TOP6BL: variants seen among roughly 807,000 people sequenced by gnomAD.
TOP6BL encodes the protein type 2 DNA topoisomerase 6 subunit B-like.
the TOP6BL span, among the ~76,000 whole-genome samples, chr11:66,749,073 G>GT: frequency 6.6e-6 from 1 of 151,946 alleles, no homozygotes; most frequent in Non-Finnish European, 1.5e-5. Context: ...TGGTGTGTGT[G>GT]TGTGTAGGTT....
the TOP6BL span, chr11:66,796,503 G>A: frequency 2.9e-6 from 2 of 694,628 alleles, no homozygotes; most frequent in South Asian, 2.3e-5. Flanking sequence ...AATATTTGAG[G>A]TCATGGTGGC....
chr11:66,762,234 G>C, the TOP6BL span: 1 of 580,496 alleles, frequency 1.7e-6, no homozygotes, highest in East Asian at 3.1e-5. Context: ...AGGCCGCAGG[G>C]GGCCCGGCCG....
At chr11:66,839,310 T>C in the TOP6BL span, 1 of 413,126 alleles carries the variant, frequency 2.4e-6, no homozygotes, top group South Asian at 1.7e-5. Context: ...TATGAGGAAA[T>C]TGAGGCCCAC....
At chr11:66,836,136 G>A in the TOP6BL span, among the ~76,000 whole-genome samples, 1 of 152,194 alleles carries the variant, frequency 6.6e-6, no homozygotes, top group Non-Finnish European at 1.5e-5. Flanking sequence ...GAATACTGAT[G>A]CTGAGTATCT....
the TOP6BL span, among the ~76,000 whole-genome samples, chr11:66,780,251 C>A: frequency 6.6e-6 from 1 of 151,724 alleles, no homozygotes; most frequent in Non-Finnish European, 1.5e-5. Flanking sequence ...CTTATAATTC[C>A]CTGCCTTATG....
the TOP6BL span, among the ~76,000 whole-genome samples, chr11:66,795,142 A>T: frequency 0.055 from 8,360 of 150,706 alleles, 588 homozygotes; most frequent in African/African-American, 0.16. Flanking sequence ...CTCAAAAAAA[A>T]ATATATATAT....
chr11:66,770,280 A>G, the TOP6BL span, among the ~76,000 whole-genome samples: 11 of 152,188 alleles, frequency 7.2e-5, no homozygotes, highest in African/African-American at 2.4e-4. Flanking sequence ...TACCTAGTTT[A>G]TGGTCTCTTG....
the TOP6BL span, among the ~76,000 whole-genome samples, chr11:66,747,428 CTA>C: frequency 6.6e-6 from 1 of 150,658 alleles, no homozygotes; most frequent in Non-Finnish European, 1.5e-5. Flanking sequence ...TGGGGCCTCA[CTA>C]TGTTTCCAGG....
chr11:66,744,819 G>GGGCGGCGGTGGC, the TOP6BL span: 1 of 1,230,232 alleles, frequency 8.1e-7, no homozygotes. Flanking sequence ...GCTGAGGAGG[G>GGGCGGCGGTGGC]GGCGGCGGCG....
At chr11:66,800,418 TGATA>T in the TOP6BL span, among the ~76,000 whole-genome samples, 2 of 152,220 alleles carry the variant, frequency 1.3e-5, no homozygotes, top group East Asian at 3.9e-4. Context: ...GTAAGTTATG[TGATA>T]GATGTTAATC....
the TOP6BL span, among the ~76,000 whole-genome samples, chr11:66,770,135 T>C: frequency 6.6e-6 from 1 of 152,084 alleles, no homozygotes; most frequent in Non-Finnish European, 1.5e-5. Flanking sequence ...GGAAAGGCCA[T>C]GTGAGGGCAC....
the TOP6BL span, among the ~76,000 whole-genome samples, chr11:66,784,596 G>C: frequency 6.6e-6 from 1 of 152,150 alleles, no homozygotes; most frequent in African/African-American, 2.4e-5. Context: ...TGTCTCTGTC[G>C]ATTTGCTTAT....
the TOP6BL span, chr11:66,762,233 G>C: frequency 1.7e-5 from 10 of 586,486 alleles, no homozygotes; most frequent in East Asian, 3.0e-4. Context: ...GAGGCCGCAG[G>C]GGGCCCGGCC....
At chr11:66,756,579 T>G in the TOP6BL span, 1 of 988,074 alleles carries the variant, frequency 1.0e-6, no homozygotes. Context: ...TGCTTTTATA[T>G]AAAAACGATA....
At chr11:66,755,627 T>A in the TOP6BL span, among the ~76,000 whole-genome samples, 2 of 152,228 alleles carry the variant, frequency 1.3e-5, no homozygotes, top group Non-Finnish European at 2.9e-5. Flanking sequence ...TCTCTAGGGC[T>A]GCTGTAACAA....
chr11:66,770,155 G>A, the TOP6BL span, among the ~76,000 whole-genome samples: 3 of 152,216 alleles, frequency 2.0e-5, 1 homozygote, highest in South Asian at 6.2e-4. Flanking sequence ...CAATGAGAAG[G>A]CAGCTATCTG....
At chr11:66,811,907 C>T in the TOP6BL span, among the ~76,000 whole-genome samples, 3 of 152,120 alleles carry the variant, frequency 2.0e-5, no homozygotes, top group Admixed American at 2.0e-4. Flanking sequence ...CACATCATTG[C>T]ACTCCAGTCT....
chr11:66,772,462 C>T, the TOP6BL span, among the ~76,000 whole-genome samples: 1 of 149,864 alleles, frequency 6.7e-6, no homozygotes, highest in Non-Finnish European at 1.5e-5. Context: ...CAGAGCAAGA[C>T]CCTATCTCAA....
the TOP6BL span, chr11:66,843,293 G>C: frequency 1.3e-6 from 2 of 1,584,174 alleles, no homozygotes; most frequent in Non-Finnish European, 1.7e-6. Context: ...CCGTTATCCC[G>C]TGGTTTAATA....
Sources: gnomAD v4.1 joint callset for allele counts (sites outside exome capture counted in the v4.1 genomes callset) on GRCh38, gnomAD v4.1.1 for gene constraint, MANE v1.5 for transcripts, NCBI Gene and HGNC (gene_info 2026-07-23, HGNC 2026-07-21) for gene names.